The following PAFAH1B1 variants were observed in gnomAD, a reference collection of about 807,000 sequenced individuals.
PAFAH1B1 encodes the protein platelet activating factor acetylhydrolase 1b regulatory subunit 1, also known as platelet-activating factor acetylhydrolase IB subunit beta.
A neutral mutation model predicts 57.5 loss-of-function variants in PAFAH1B1; 2 were observed. The ratio of observed to expected loss-of-function variants is 0.03; its 90% confidence interval spans 0.01 to 0.11. The LOEUF (loss-of-function observed/expected upper bound fraction) is 0.11. Ranked by LOEUF, PAFAH1B1 falls within the 10% of genes least tolerant of loss-of-function variation. PAFAH1B1 has a pLI of 1.00. For missense variants in PAFAH1B1, 257 were observed against 512.0 expected, an observed-to-expected ratio of 0.50 and a Z score of 4.81; for synonymous variants, 152 against 169.6, an observed-to-expected ratio of 0.90 and a Z score of 0.81.
At chr17:2,676,302 C>A in intron 8 of PAFAH1B1, 2 of 506,344 alleles carry the variant, frequency 3.9e-6, no homozygotes, top group Admixed American at 3.1e-5. Flanking sequence ...CGCTTGAACC[C>A]GGGAGGCGGA....
chr17:2,633,983 T>A (rs79745515), intron 1 of PAFAH1B1, among the ~76,000 whole-genome samples: 27 of 132,838 alleles, frequency 2.0e-4, no homozygotes, highest in Middle Eastern at 4.0e-3. Context: ...TTTTTTTTTT[T>A]AATAGGTTGG....
rs201481358 is a variant in PAFAH1B1 at position 2,646,652 on chromosome 17, TAATAA to T, written c.32+8339_32+8343del. 1.6e-4 allele frequency among the ~76,000 whole-genome samples: 25 copies of T among 152,060 alleles called. No homozygotes were observed. The East Asian group carries it at 4.6e-3, about 28-fold the overall frequency. On this transcript the variant is annotated intron_variant, in intron 2 of 10. Transcript: ENST00000397195. ...CAGAGTGAGACTCTGTCTCAAAAAATAATAAAATAAATAAATAAATTTGAAAATCT... is the reference window on the plus strand; with the variant it reads ...CAGAGTGAGACTCTGTCTCAAAAAATAATAAATAAATAAATTTGAAAATCT...
At chr17:2,643,650 C>T (rs549430930) in intron 2 of PAFAH1B1, among the ~76,000 whole-genome samples, 1 of 151,942 alleles carries the variant, frequency 6.6e-6, no homozygotes, top group East Asian at 1.9e-4. Context: ...ACCTCTGCCT[C>T]CTGGGTTCAA....
intron 2 of PAFAH1B1, among the ~76,000 whole-genome samples, chr17:2,643,644 C>T (rs948319053): frequency 2.2e-4 from 34 of 151,858 alleles, no homozygotes; most frequent in Non-Finnish European, 4.3e-4. Context: ...CCTGCAACCT[C>T]TGCCTCCTGG....
chr17:2,621,706 A>G lies in PAFAH1B1; in HGVS notation c.-190-16393A>G, dbSNP rs529895989. Among the ~76,000 whole-genome samples, 6 of 4,976 alleles carry G rather than the reference A, an allele frequency of 1.2e-3. No individual in the cohort carries two copies. The South Asian group carries it at 0.059, about 49-fold the overall frequency. 3.3% of individuals were successfully genotyped at this position (4,976 alleles called of 152,430 possible). ...AGTGGCGTCATCTCAGCTCACTGCA[A>G]CCTCTGCATCCCAGGTGTTGCCCTC... On this transcript the variant is annotated intron_variant, in intron 1 of 10. Transcript: ENST00000397195.
chr17:2,654,348 C>A (rs1433000619), intron 2 of PAFAH1B1, among the ~76,000 whole-genome samples: 1 of 151,692 alleles, frequency 6.6e-6, no homozygotes, highest in Non-Finnish European at 1.5e-5. Context: ...CACCATCACT[C>A]CCAGCTAATT....
intron 1 of PAFAH1B1, among the ~76,000 whole-genome samples, chr17:2,629,251 G>T (rs1466139793): frequency 2.0e-5 from 3 of 152,076 alleles, no homozygotes; most frequent in African/African-American, 7.2e-5. Flanking sequence ...TTTCCTCTTA[G>T]CACTGCGTTT....
chr17:2,622,747 G>A (rs1234449018), intron 1 of PAFAH1B1, among the ~76,000 whole-genome samples: 3 of 152,196 alleles, frequency 2.0e-5, no homozygotes, highest in Non-Finnish European at 4.4e-5. Flanking sequence ...GACTCGTATG[G>A]GGGGCTCTGA....
intron 2 of PAFAH1B1, among the ~76,000 whole-genome samples, chr17:2,644,731 GT>G (rs969531760): frequency 6.6e-6 from 1 of 151,974 alleles, no homozygotes. Flanking sequence ...AGGTATATGT[GT>G]TTTTTTAGTC....
At chr17:2,626,867 G>A (rs2068500874) in intron 1 of PAFAH1B1, among the ~76,000 whole-genome samples, 1 of 151,964 alleles carries the variant, frequency 6.6e-6, no homozygotes, top group Non-Finnish European at 1.5e-5. Context: ...TTTTTTATAT[G>A]TTTGTTGGCC....
At position 2,684,343 on chromosome 17, in the gene PAFAH1B1, C is replaced by CT. The variant is rs1190347915; in HGVS notation, c.*2542dup. On this transcript the variant is annotated 3_prime_UTR_variant, in exon 11 of 11. Transcript: ENST00000397195. ...GTTCTCTGTTTTCTCTGTCTGCTGT[C>CT]TAACCCTGTGCCTTGCCTGGGATAA... The CT allele has an allele frequency of 3.9e-5, 6 of 152,750 alleles. No individual in the cohort carries two copies. The highest frequency in any genetic ancestry group is 8.8e-5 in the Non-Finnish European group (6 of 68,126). 9.5% of individuals were successfully genotyped at this position (152,750 alleles called of 1,614,324 possible).
At chr17:2,611,478 A>AT (rs2068266245) in intron 1 of PAFAH1B1, among the ~76,000 whole-genome samples, 1 of 151,184 alleles carries the variant, frequency 6.6e-6, no homozygotes, top group South Asian at 2.1e-4. Context: ...GGGGCAAAAA[A>AT]AAAAAATAAA....
At chr17:2,628,693 A>G (rs1017860281) in intron 1 of PAFAH1B1, among the ~76,000 whole-genome samples, 2 of 152,160 alleles carry the variant, frequency 1.3e-5, no homozygotes, top group African/African-American at 4.8e-5. Context: ...GTCTGATAGA[A>G]TTCTGCTGTG....
At chr17:2,665,259 G>T in intron 2 of PAFAH1B1, 113 bp from the exon 3 acceptor site, 1 of 710,448 alleles carries the variant, frequency 1.4e-6, no homozygotes, top group East Asian at 2.7e-5. Flanking sequence ...GATTTGAAAG[G>T]GAATACTCTT....
intron 1 of PAFAH1B1, among the ~76,000 whole-genome samples, chr17:2,624,417 A>G (rs1368806594): frequency 6.6e-6 from 1 of 152,124 alleles, no homozygotes; most frequent in Non-Finnish European, 1.5e-5. Context: ...ATACAGACAT[A>G]CCCGAAACTG....
At chr17:2,616,073 A>C (rs1029033491) in intron 1 of PAFAH1B1, among the ~76,000 whole-genome samples, 8 of 152,202 alleles carry the variant, frequency 5.3e-5, no homozygotes, top group African/African-American at 1.9e-4. Context: ...TTATTCTTCA[A>C]ATAGCCCTTA....
intron 8 of PAFAH1B1, among the ~76,000 whole-genome samples, chr17:2,674,894 A>G (rs2069239361): frequency 6.6e-6 from 1 of 152,216 alleles, no homozygotes; most frequent in Admixed American, 6.5e-5. Context: ...AGTCCTAGCT[A>G]CTCAGGAGGC....
At chr17:2,668,637 C>T (rs895182281) in intron 5 of PAFAH1B1, among the ~76,000 whole-genome samples, 2 of 151,868 alleles carry the variant, frequency 1.3e-5, no homozygotes, top group Admixed American at 6.6e-5. Context: ...TATGATTGAG[C>T]CAGTGTACTC....
intron 1 of PAFAH1B1, among the ~76,000 whole-genome samples, chr17:2,637,803 A>G (rs2068643144): frequency 6.6e-6 from 1 of 152,206 alleles, no homozygotes; most frequent in Non-Finnish European, 1.5e-5. Context: ...ATTCGTTTAG[A>G]GTTACATGTT....
Sources: allele counts gnomAD v4.1 joint callset (sites outside exome capture counted in the v4.1 genomes callset), GRCh38; gene constraint gnomAD v4.1.1; transcripts MANE v1.5; gene names NCBI Gene and HGNC (gene_info 2026-07-23, HGNC 2026-07-21).